The following TBC1D22A variants were observed in gnomAD, a reference collection of about 807,000 sequenced individuals.
TBC1D22A encodes the protein TBC1 domain family member 22A, also known as putative GTPase activator.
In TBC1D22A, 38 loss-of-function variants were observed where a neutral mutation model predicts 60.2. The observed-to-expected ratio is 0.63, with a 90% CI of 0.49 to 0.83. TBC1D22A has a LOEUF of 0.83. Ranked by LOEUF, TBC1D22A falls within the 40% of genes least tolerant of loss-of-function variation. The pLI, the probability that TBC1D22A is intolerant of heterozygous loss-of-function variation, is 0.00. For missense variants in TBC1D22A, 628 were observed against 701.0 expected (o/e 0.90, Z 1.18); for synonymous variants, 302 against 281.7 (o/e 1.07, Z -0.72).
chr22:46,768,255 T>A (rs924221185), intron 1 of TBC1D22A: 1 of 151,676 alleles, frequency 6.6e-6, no homozygotes, highest in Non-Finnish European at 1.5e-5. Context: ...GAGGCTGAGG[T>A]GGGTGGATCA....
chr22:46,885,844 G>A (rs1168760198), intron 5 of TBC1D22A, among the ~76,000 whole-genome samples: 2 of 152,032 alleles, frequency 1.3e-5, no homozygotes, highest in African/African-American at 2.4e-5. Flanking sequence ...GGAAGGCACC[G>A]CAGAACCACG....
chr22:46,958,822 C>T (rs1388126841), intron 8 of TBC1D22A, among the ~76,000 whole-genome samples: 1 of 152,222 alleles, frequency 6.6e-6, no homozygotes. Context: ...GAGAATCACT[C>T]TGTTTACTTT....
In TBC1D22A at chr22:46,782,468, C is replaced by A. The variant is rs532893783; in HGVS notation, c.63-10052C>A. Among the ~76,000 whole-genome samples the A allele has an allele frequency of 2.0e-5, 3 of 152,362 alleles. No homozygotes were observed. In the South Asian group the frequency reaches 6.2e-4, roughly 32 times the overall value. On this transcript the variant is annotated intron_variant, in intron 1 of 12. Transcript: ENST00000337137. Reference sequence around the variant, plus strand: ...AATGGGGTCAGGGAGGGGGCCCTTCCTTTCCTCCCTTCCATCTTTGTGGAG... The same window carrying A: ...AATGGGGTCAGGGAGGGGGCCCTTCATTTCCTCCCTTCCATCTTTGTGGAG...
chr22:47,022,232 GACTC>G (rs1271433693), intron 10 of TBC1D22A, among the ~76,000 whole-genome samples: 1 of 152,148 alleles, frequency 6.6e-6, no homozygotes, highest in Non-Finnish European at 1.5e-5. Flanking sequence ...TCAGGGAGCT[GACTC>G]ACTCTGCTGC....
At chr22:46,898,902 A>G (rs1003521502) in intron 7 of TBC1D22A, among the ~76,000 whole-genome samples, 4 of 152,164 alleles carry the variant, frequency 2.6e-5, no homozygotes, top group African/African-American at 9.7e-5. Flanking sequence ...GGATTTTGAA[A>G]TTCAATTTCC....
At chr22:46,799,458 A>C (rs146568718) in intron 4 of TBC1D22A, among the ~76,000 whole-genome samples, 1 of 152,322 alleles carries the variant, frequency 6.6e-6, no homozygotes, top group Non-Finnish European at 1.5e-5. Context: ...TCATCACAGC[A>C]CAGGGGTCAC....
intron 12 of TBC1D22A, among the ~76,000 whole-genome samples, chr22:47,140,239 T>C (rs5767528): frequency 0.37 from 56,070 of 150,682 alleles, 11,094 homozygotes; most frequent in East Asian, 0.71. Flanking sequence ...TGGCCCAGGC[T>C]GCTCCGCTTA....
chr22:47,155,467 T>C (rs918255825), intron 12 of TBC1D22A, among the ~76,000 whole-genome samples: 1 of 152,136 alleles, frequency 6.6e-6, no homozygotes, highest in African/African-American at 2.4e-5. Flanking sequence ...TATCAGAGCC[T>C]GCACTCCGGG....
intron 1 of TBC1D22A, among the ~76,000 whole-genome samples, chr22:46,781,235 G>A (rs1238745323): frequency 6.6e-6 from 1 of 151,210 alleles, no homozygotes; most frequent in African/African-American, 2.4e-5. Flanking sequence ...GTGCAGTGGT[G>A]CGTGATCTTA....
chr22:46,762,690 A>G lies in TBC1D22A; in HGVS notation c.-97A>G, dbSNP rs1041241794. 17 of 1,046,730 alleles carry G rather than the reference A, an allele frequency of 1.6e-5. No homozygotes were observed. Among genetic ancestry groups the G allele is most frequent in the Admixed American group, 1.3e-4 (3 of 23,734 alleles). The allele number at this position is 1,046,730 out of a possible 1,614,324, so 64.8% of individuals were successfully genotyped here. A position where few individuals can be genotyped will look rare whatever the true frequency, so the allele number is the denominator to read the frequency against. Reference sequence around the variant, plus strand: ...CTCTAGGCTCTGGAGTCCCGGGAGCAGTGAGGGGCCACCCGGGGCACAGGA... The same window carrying G: ...CTCTAGGCTCTGGAGTCCCGGGAGCGGTGAGGGGCCACCCGGGGCACAGGA... On this transcript the variant is annotated 5_prime_UTR_variant, in exon 1 of 13. Transcript: ENST00000337137.
chr22:46,911,788 G>A (rs539281835), intron 7 of TBC1D22A, among the ~76,000 whole-genome samples: 5 of 151,884 alleles, frequency 3.3e-5, no homozygotes, highest in East Asian at 1.9e-4. Flanking sequence ...GCATGGTAGC[G>A]CATGCCTGTA....
intron 1 of TBC1D22A, among the ~76,000 whole-genome samples, chr22:46,782,973 G>A (rs978767911): frequency 6.6e-6 from 1 of 152,140 alleles, no homozygotes; most frequent in East Asian, 1.9e-4. Flanking sequence ...ATCTACCTCC[G>A]AGTGGAATTG....
intron 11 of TBC1D22A, among the ~76,000 whole-genome samples, chr22:47,073,717 A>G (rs1200278813): frequency 6.6e-6 from 1 of 152,130 alleles, no homozygotes; most frequent in Non-Finnish European, 1.5e-5. Context: ...CGCACCAGAC[A>G]CTCATTTTCT....
At chr22:46,828,436 AC>A (rs1226668515) in intron 4 of TBC1D22A, among the ~76,000 whole-genome samples, 1 of 152,240 alleles carries the variant, frequency 6.6e-6, no homozygotes, top group East Asian at 1.9e-4. Flanking sequence ...GATGTTTGTC[AC>A]TGTGAGATGT....
chr22:47,076,517 T>G (rs894280119), intron 11 of TBC1D22A, among the ~76,000 whole-genome samples: 1 of 151,910 alleles, frequency 6.6e-6, no homozygotes, highest in Non-Finnish European at 1.5e-5. Context: ...AAATGCACTT[T>G]TTAAATAATT....
intron 6 of TBC1D22A, among the ~76,000 whole-genome samples, chr22:46,893,218 G>C (rs1341136123): frequency 6.6e-6 from 1 of 152,222 alleles, no homozygotes; most frequent in Non-Finnish European, 1.5e-5. Context: ...TGAAGATGCT[G>C]TGTCAAAGCC....
chr22:46,917,307 A>G (rs1474679025), intron 8 of TBC1D22A, among the ~76,000 whole-genome samples: 10 of 152,226 alleles, frequency 6.6e-5, no homozygotes, highest in Non-Finnish European at 1.3e-4. Context: ...CACCTGGTCT[A>G]GAGACACTGA....
At chr22:46,912,229 C>A in intron 8 of TBC1D22A, 41 bp downstream of exon 8, 1 of 1,430,894 alleles carries the variant, frequency 7.0e-7, no homozygotes, top group Non-Finnish European at 9.8e-7. Flanking sequence ...CTTTAGTGGA[C>A]TTGCTGTGTG....
intron 10 of TBC1D22A, among the ~76,000 whole-genome samples, chr22:47,015,859 C>G (rs1200994573): frequency 6.6e-6 from 1 of 152,202 alleles, no homozygotes; most frequent in African/African-American, 2.4e-5. Flanking sequence ...GCCAGGCCAG[C>G]CGAGGAGCCT....
Sources: gnomAD v4.1 joint callset for allele counts (sites outside exome capture counted in the v4.1 genomes callset) on GRCh38, gnomAD v4.1.1 for gene constraint, MANE v1.5 for transcripts, NCBI Gene and HGNC (gene_info 2026-07-23, HGNC 2026-07-21) for gene names.